EBF3: variants seen among roughly 807,000 people sequenced by gnomAD.
EBF3 encodes transcription factor COE3.
EBF3 carries 18 observed loss-of-function variants against 77.1 expected under a neutral mutation model. The ratio of observed to expected loss-of-function variants is 0.23; its 90% CI spans 0.16 to 0.35. The LOEUF (loss-of-function observed/expected upper bound fraction) is 0.35. Among genes scored for constraint, EBF3 ranks in the 10% least tolerant of loss-of-function variants. The probability of loss-of-function intolerance (pLI) is 1.00; values close to 1 mark genes in which losing one functional copy is unlikely to be tolerated. For synonymous variants in EBF3, 350 were observed against 343.5 expected, an observed-to-expected ratio of 1.02 and a Z score of -0.21; for missense variants, 558 against 860.0, an observed-to-expected ratio of 0.65 and a Z score of 4.39.
At chr10:129,924,195 A>G (rs939244905) in intron 6 of EBF3, among the ~76,000 whole-genome samples, 9 of 152,190 alleles carry the variant, frequency 5.9e-5, no homozygotes, top group Non-Finnish European at 1.3e-4. Context: ...CAGGTGGATC[A>G]CCTGAGGTCA....
chr10:129,839,477 C>G (rs942812524), intron 15 of EBF3, among the ~76,000 whole-genome samples: 1 of 152,218 alleles, frequency 6.6e-6, no homozygotes, highest in Non-Finnish European at 1.5e-5. Flanking sequence ...TGGGCAGGCA[C>G]AGGGTGCCCA....
chr10:129,841,090 G>A lies in EBF3; in HGVS notation c.1373-58C>T. On this transcript the variant is annotated intron_variant, in intron 13 of 16. Transcript: ENST00000440978. This position sits in a 1 kb window ranked among gnomAD's most constrained non-coding sequence, Gnocchi z 4.6. ...ATTATTATCAGCGACAGACACTTGG[G>A]GGGGGTTCCCCGAGAATCTATATCA... The A allele has an allele frequency of 4.4e-6, 7 of 1,587,792 alleles. No individual in the cohort carries two copies. The highest frequency in any genetic ancestry group is 6.0e-6 in the Non-Finnish European group (7 of 1,168,110).
chr10:129,936,313 C>G (rs1018097005), intron 6 of EBF3, among the ~76,000 whole-genome samples: 1 of 152,174 alleles, frequency 6.6e-6, no homozygotes, highest in Non-Finnish European at 1.5e-5. Flanking sequence ...CCACCCCCTC[C>G]TGTCTCTGGC....
chr10:129,877,203 C>T (rs752459393), intron 7 of EBF3, among the ~76,000 whole-genome samples: 5 of 152,040 alleles, frequency 3.3e-5, no homozygotes, highest in Non-Finnish European at 7.4e-5. Flanking sequence ...AAAAGAAGCA[C>T]TTCTGGGCTG....
chr10:129,861,521 A>T lies in EBF3; in HGVS notation c.1039+5620T>A, dbSNP rs2134043586. Among the ~76,000 whole-genome samples the T allele has an allele frequency of 1.4e-5, 2 of 145,648 alleles. No homozygotes were observed. The highest frequency in any genetic ancestry group is 3.5e-3 in the Middle Eastern group (1 of 288). ...ATAGAACCAACCTGATAGAAAAGCA[A>T]AGGTGCCTGGAGGGTGTCTATTCTT... On this transcript the variant is annotated intron_variant, in intron 10 of 16. Coordinates refer to ENST00000440978, the MANE Select transcript of EBF3 (RefSeq NM_001375380.1). The surrounding 1 kb of genome is among the most constrained non-coding windows in gnomAD (Gnocchi z 4.3).
At chr10:129,878,478 G>T (rs1389162832) in intron 6 of EBF3, among the ~76,000 whole-genome samples, 1 of 151,958 alleles carries the variant, frequency 6.6e-6, no homozygotes, top group Non-Finnish European at 1.5e-5. Flanking sequence ...AGACAAGCCT[G>T]GCCAACATGG....
chr10:129,905,925 A>G (rs1855112598), intron 6 of EBF3, among the ~76,000 whole-genome samples: 1 of 152,234 alleles, frequency 6.6e-6, no homozygotes, highest in Non-Finnish European at 1.5e-5. Flanking sequence ...TTTCCACAAT[A>G]TGATTTACAT....
At chr10:129,960,021 G>T (rs1859373022) in intron 4 of EBF3, among the ~76,000 whole-genome samples, 15 of 152,004 alleles carry the variant, frequency 9.9e-5, no homozygotes, top group Admixed American at 9.8e-4. Context: ...GCCGCGCTCA[G>T]CCCGGCTCCG....
intron 6 of EBF3, among the ~76,000 whole-genome samples, chr10:129,918,062 T>C (rs1856014886): frequency 6.6e-6 from 1 of 152,220 alleles, no homozygotes; most frequent in Admixed American, 6.5e-5. Flanking sequence ...TGGAAAAGCC[T>C]GCCCCTGGTC....
intron 8 of EBF3, among the ~76,000 whole-genome samples, chr10:129,873,225 C>T (rs962016627): frequency 4.6e-5 from 7 of 152,286 alleles, no homozygotes; most frequent in South Asian, 2.1e-4. Flanking sequence ...ACATGAAGGC[C>T]GTGGCAGGTG....
intron 6 of EBF3, among the ~76,000 whole-genome samples, chr10:129,916,945 G>A (rs1198116047): frequency 6.6e-6 from 1 of 152,234 alleles, no homozygotes; most frequent in Non-Finnish European, 1.5e-5. Context: ...ATCCAGGCCT[G>A]AGTTTCTAAA....
At chr10:129,854,242 C>T (rs907552879) in intron 10 of EBF3, among the ~76,000 whole-genome samples, 49 of 151,924 alleles carry the variant, frequency 3.2e-4, no homozygotes, top group Non-Finnish European at 5.3e-4. Context: ...TTCAGATGCT[C>T]GGGAAATTAA....
At chr10:129,928,059 G>A (rs542608566) in intron 6 of EBF3, among the ~76,000 whole-genome samples, 19 of 152,252 alleles carry the variant, frequency 1.2e-4, no homozygotes, top group South Asian at 2.1e-4. Flanking sequence ...AACAGGAACC[G>A]TTACTATTCC....
At chr10:129,847,854 G>A (rs1417428321) in intron 11 of EBF3, among the ~76,000 whole-genome samples, 2 of 152,200 alleles carry the variant, frequency 1.3e-5, no homozygotes, top group African/African-American at 4.8e-5. Flanking sequence ...GAATTTAAAT[G>A]GAAAGTCCCT....
chr10:129,957,206 C>A (rs1186406652), intron 6 of EBF3, 52 bp downstream of exon 6: 4 of 1,526,456 alleles, frequency 2.6e-6, no homozygotes, highest in East Asian at 2.3e-5. Context: ...CAAGGCAAAA[C>A]GTTTTGTTGC....
At chr10:129,845,571 A>G (rs1246988349) in intron 11 of EBF3, 1 of 152,224 alleles carries the variant, frequency 6.6e-6, no homozygotes, top group Non-Finnish European at 1.5e-5. Context: ...ACGTTGCTTC[A>G]GGTGCTAATG....
intron 6 of EBF3, among the ~76,000 whole-genome samples, chr10:129,908,976 A>T (rs1054774835): frequency 1.3e-5 from 2 of 152,242 alleles, no homozygotes; most frequent in African/African-American, 4.8e-5. Context: ...AGCAAACCGT[A>T]GTCAGAGTTA....
chr10:129,913,256 T>C (rs1855646910), intron 6 of EBF3, among the ~76,000 whole-genome samples: 1 of 152,250 alleles, frequency 6.6e-6, no homozygotes, highest in South Asian at 2.1e-4. Context: ...ACATTGTCAT[T>C]ACCATCTCCG....
intron 14 of EBF3, 67 bp downstream of exon 14, chr10:129,840,777 T>G: frequency 6.5e-7 from 1 of 1,549,410 alleles, no homozygotes; most frequent in South Asian, 1.2e-5. Context: ...ATCCAAGCAA[T>G]GCACACACTC....
Sources: gnomAD v4.1 joint callset for allele counts (sites outside exome capture counted in the v4.1 genomes callset) on GRCh38, gnomAD v4.1.1 for gene constraint, Gnocchi (gnomAD v3.1) non-coding constraint, MANE v1.5 for transcripts, NCBI Gene and HGNC (gene_info 2026-07-23, HGNC 2026-07-21) for gene names.